The following CNTNAP2 variants were observed in gnomAD, a reference collection of about 807,000 sequenced individuals.
CNTNAP2 encodes the protein contactin associated protein 2.
Under a neutral mutation model 155.2 loss-of-function variants are expected in CNTNAP2, and 98 were observed. That is an observed-to-expected ratio of 0.63 (90% CI 0.54 to 0.75). The LOEUF (loss-of-function observed/expected upper bound fraction) is 0.75. CNTNAP2 is among the 30% of genes least tolerant of loss of function. The probability of loss-of-function intolerance (pLI) is 0.00; values close to 1 mark genes in which losing one functional copy is unlikely to be tolerated. For missense variants in CNTNAP2, 1,727 were observed against 1,688.1 expected, an observed-to-expected ratio of 1.02 and a Z score of -0.40; for synonymous variants, 651 against 631.2, an observed-to-expected ratio of 1.03 and a Z score of -0.47.
At chr7:146,211,873 AT>A (rs1799040372) in intron 1 of CNTNAP2, among the ~76,000 whole-genome samples, 2 of 152,090 alleles carry the variant, frequency 1.3e-5, no homozygotes, top group South Asian at 2.1e-4. Context: ...CAAATTCTAT[AT>A]TTTTTAAGTT....
At chr7:146,829,678 G>T (rs1157930679) in intron 2 of CNTNAP2, among the ~76,000 whole-genome samples, 2 of 151,974 alleles carry the variant, frequency 1.3e-5, no homozygotes, top group Admixed American at 6.6e-5. Flanking sequence ...TGTTATTGTT[G>T]CATCACTGGA....
chr7:147,969,552 C>T (rs890767265), intron 14 of CNTNAP2, among the ~76,000 whole-genome samples: 11 of 152,130 alleles, frequency 7.2e-5, no homozygotes, highest in Non-Finnish European at 1.5e-4. Flanking sequence ...TAAGGCATTG[C>T]TTCTACTTAA....
chr7:147,623,585 A>G (rs73468995), intron 12 of CNTNAP2, among the ~76,000 whole-genome samples: 7,368 of 152,092 alleles, frequency 0.048, 602 homozygotes, highest in African/African-American at 0.17. Flanking sequence ...TAAAACACTC[A>G]TGAAAGAAAT....
intron 8 of CNTNAP2, among the ~76,000 whole-genome samples, chr7:147,148,072 A>T (rs1465631793): frequency 1.3e-5 from 2 of 152,232 alleles, no homozygotes; most frequent in Non-Finnish European, 2.9e-5. Context: ...AAAGCTATAA[A>T]GAAATCATGC....
chr7:147,370,484 G>T (rs928046791), intron 9 of CNTNAP2, among the ~76,000 whole-genome samples: 1 of 152,080 alleles, frequency 6.6e-6, no homozygotes, highest in African/African-American at 2.4e-5. Flanking sequence ...TCCGTGAGTC[G>T]CTTGTTAAAT....
rs185825408 is a variant in CNTNAP2 at position 147,822,084 on chromosome 7, T to G, written c.2099-81481T>G. The stretch of plus-strand genomic sequence containing the variant: ...CAGAGAAACTGTCCGCTAGATTTAG[T>G]CTCATGGAAGTCTTCTATGGTCTGA... On this transcript the variant is annotated intron_variant, in intron 13 of 23. Coordinates refer to ENST00000361727, the MANE Select transcript of CNTNAP2 (RefSeq NM_014141.6). Among the ~76,000 whole-genome samples the G allele has an allele frequency of 3.3e-5, 5 of 152,234 alleles. No homozygotes were observed. The East Asian group carries it at 9.7e-4, about 29-fold the overall frequency.
intron 8 of CNTNAP2, among the ~76,000 whole-genome samples, chr7:147,226,424 G>A (rs551875321): frequency 3.2e-4 from 49 of 152,096 alleles, no homozygotes; most frequent in Admixed American, 7.2e-4. Flanking sequence ...GGACTTCATC[G>A]TGTAGTTGAA....
intron 10 of CNTNAP2, among the ~76,000 whole-genome samples, chr7:147,405,663 A>T (rs903480582): frequency 1.3e-5 from 2 of 152,190 alleles, no homozygotes; most frequent in African/African-American, 2.4e-5. Context: ...GACAGAAAAA[A>T]GTTTCTGGTA....
intron 10 of CNTNAP2, among the ~76,000 whole-genome samples, chr7:147,407,656 T>A (rs555994340): frequency 1.2e-5 from 1 of 83,540 alleles, no homozygotes; most frequent in East Asian, 2.4e-4. Context: ...GAACAGGTAC[T>A]GATGTAGCCT....
chr7:146,680,751 A>G (rs575500733), intron 1 of CNTNAP2, among the ~76,000 whole-genome samples: 1 of 152,328 alleles, frequency 6.6e-6, no homozygotes, highest in South Asian at 2.1e-4. Context: ...ATAACGAAGC[A>G]TGTGGCAATG....
rs1801172843 is a variant in CNTNAP2 at position 147,123,935 on chromosome 7, G to T, written c.939+2772G>T. ...CAGGCATCTGTAATCCCAGCTACTT[G>T]GGAGGCTGAGGCAGGAGAATCACTT... On this transcript the variant is annotated intron_variant, in intron 6 of 23. Coordinates refer to ENST00000361727, the MANE Select transcript of CNTNAP2 (RefSeq NM_014141.6). Among the ~76,000 whole-genome samples the T allele has an allele frequency of 5.3e-5, 8 of 152,248 alleles. No individual in the cohort carries two copies. In the South Asian group the frequency reaches 1.7e-3, roughly 32 times the overall value.
chr7:147,224,101 T>C (rs1372047545), intron 8 of CNTNAP2, among the ~76,000 whole-genome samples: 1 of 152,186 alleles, frequency 6.6e-6, no homozygotes, highest in African/African-American at 2.4e-5. Flanking sequence ...TGTGATTCTC[T>C]GTATCCCTCA....
intron 1 of CNTNAP2, among the ~76,000 whole-genome samples, chr7:146,348,772 G>A (rs147591272): frequency 6.7e-6 from 1 of 149,132 alleles, no homozygotes; most frequent in African/African-American, 2.4e-5. Context: ...CCAAACAATG[G>A]GTGTTAAGAT....
chr7:148,330,866 G>A (rs1023994719), intron 21 of CNTNAP2, among the ~76,000 whole-genome samples: 3 of 143,464 alleles, frequency 2.1e-5, no homozygotes, highest in Non-Finnish European at 3.1e-5. Flanking sequence ...ATGGATGGAC[G>A]GATGGAGTGG....
chr7:146,652,035 G>GA (rs1204308117), intron 1 of CNTNAP2, among the ~76,000 whole-genome samples: 3 of 151,930 alleles, frequency 2.0e-5, no homozygotes, highest in Non-Finnish European at 4.4e-5. Flanking sequence ...CTTTAAAGGT[G>GA]AAAAAGTATA....
At chr7:146,947,595 A>ATATATATATG (rs1554414026) in intron 3 of CNTNAP2, among the ~76,000 whole-genome samples, 4 of 140,678 alleles carry the variant, frequency 2.8e-5, no homozygotes, top group African/African-American at 1.1e-4. Context: ...ATATATATAT[A>ATATATATATG]TATGTATATA....
At chr7:146,479,504 AATG>A (rs1322577827) in intron 1 of CNTNAP2, among the ~76,000 whole-genome samples, 9 of 152,148 alleles carry the variant, frequency 5.9e-5, no homozygotes, top group Non-Finnish European at 1.3e-4. Context: ...TTATTATAAA[AATG>A]ATGTATTTAC....
chr7:148,022,637 T>TTTTTTG (rs1043732129), intron 15 of CNTNAP2, among the ~76,000 whole-genome samples: 1 of 152,042 alleles, frequency 6.6e-6, no homozygotes, highest in Admixed American at 6.6e-5. Flanking sequence ...CGTGGCCTGT[T>TTTTTTG]TTTTTGTTTT....
chr7:146,347,138 TAAAA>T (rs59530824), intron 1 of CNTNAP2, among the ~76,000 whole-genome samples: 40 of 93,876 alleles, frequency 4.3e-4, no homozygotes, highest in Non-Finnish European at 6.5e-4. Flanking sequence ...CCATACTCTG[TAAAA>T]AAAAAAAAAA....
Sources: allele counts gnomAD v4.1 joint callset (sites outside exome capture counted in the v4.1 genomes callset), GRCh38; gene constraint gnomAD v4.1.1; transcripts MANE v1.5; gene names NCBI Gene and HGNC (gene_info 2026-07-23, HGNC 2026-07-21).